MTA3: variants seen among roughly 807,000 people sequenced by gnomAD.
MTA3 encodes metastasis associated 1 family member 3, also known as metastasis-associated protein MTA3.
A neutral mutation model predicts 83.5 loss-of-function variants in MTA3; 34 were observed. The observed-to-expected ratio is 0.41, with a 90% CI of 0.31 to 0.54. MTA3 has a LOEUF of 0.54. Ranked by LOEUF, MTA3 falls within the 20% of genes least tolerant of loss-of-function variation. The pLI is 0.33. For synonymous variants in MTA3, 303 were observed against 252.7 expected, an observed-to-expected ratio of 1.20 and a Z score of -1.89; for missense variants, 761 against 726.4, an observed-to-expected ratio of 1.05 and a Z score of -0.55.
At chr2:42,512,012 A>G (rs574323463) in intron 2 of MTA3, among the ~76,000 whole-genome samples, 6 of 152,038 alleles carry the variant, frequency 3.9e-5, no homozygotes, top group Admixed American at 1.3e-4. Context: ...GCGAGACTCC[A>G]TCTCAAAAAA....
At chr2:42,505,766 G>T (rs1674601050) in intron 2 of MTA3, among the ~76,000 whole-genome samples, 1 of 129,232 alleles carries the variant, frequency 7.7e-6, no homozygotes, top group Non-Finnish European at 1.6e-5. Flanking sequence ...GCCACAAATT[G>T]ATAATTTTTT....
intron 16 of MTA3, among the ~76,000 whole-genome samples, chr2:42,725,661 TGCCGGTGCA>T (rs1353947120): frequency 6.6e-6 from 1 of 152,222 alleles, no homozygotes; most frequent in Non-Finnish European, 1.5e-5. Flanking sequence ...GGCACTGCCC[TGCCGGTGCA>T]GGCACCTCTC....
intron 2 of MTA3, among the ~76,000 whole-genome samples, chr2:42,503,248 T>C (rs995756406): frequency 3.9e-5 from 6 of 152,324 alleles, no homozygotes; most frequent in African/African-American, 1.4e-4. Context: ...CCATATAGGG[T>C]AACTTTCTGA....
chr2:42,635,257 A>T (rs1380670531), intron 4 of MTA3, among the ~76,000 whole-genome samples: 5 of 152,172 alleles, frequency 3.3e-5, no homozygotes, highest in Admixed American at 3.3e-4. Flanking sequence ...AATGCTGTCA[A>T]AACTGTCTAC....
intron 9 of MTA3, among the ~76,000 whole-genome samples, chr2:42,685,897 A>G (rs1692326248): frequency 6.6e-6 from 1 of 152,202 alleles, no homozygotes; most frequent in African/African-American, 2.4e-5. Context: ...TAGAAAATAA[A>G]ATGCAAATAA....
At chr2:42,594,839 G>C (rs1300257436) in intron 3 of MTA3, among the ~76,000 whole-genome samples, 1 of 142,370 alleles carries the variant, frequency 7.0e-6, no homozygotes, top group East Asian at 2.1e-4. Flanking sequence ...CCATTCTCCC[G>C]CCTCAGCCTC....
intron 2 of MTA3, among the ~76,000 whole-genome samples, chr2:42,563,491 G>A (rs759622168): frequency 1.3e-4 from 19 of 151,986 alleles, no homozygotes; most frequent in East Asian, 1.9e-4. Context: ...TTTTTGAGAC[G>A]AAGTCTCACT....
chr2:42,632,693 A>G (rs1409424435), intron 4 of MTA3, among the ~76,000 whole-genome samples: 1 of 152,158 alleles, frequency 6.6e-6, no homozygotes, highest in Non-Finnish European at 1.5e-5. Context: ...CATGGATGGA[A>G]TGGGCATCTC....
intron 2 of MTA3, among the ~76,000 whole-genome samples, chr2:42,509,167 C>G (rs1264835249): frequency 2.6e-5 from 4 of 151,952 alleles, no homozygotes; most frequent in Admixed American, 1.3e-4. Context: ...CTCAGCCTCC[C>G]AAGTAGCTGG....
rs1247897159 is a variant in MTA3 at position 42,553,628 on chromosome 2, G to A, written c.-140-16809G>A. Among the ~76,000 whole-genome samples, 5 of 146,496 alleles carry A rather than the reference G, an allele frequency of 3.4e-5. No homozygotes were observed. The East Asian group carries it at 6.2e-4, about 18-fold the overall frequency. On this transcript the variant is annotated intron_variant, in intron 2 of 17. Coordinates refer to the MTA3 transcript ENST00000405592. ...CGCATGCCTGTAATCCCAGCTACTCGAGAGGCTGAGGCAGGAGAATGGCTT... is the reference window on the plus strand; with the variant it reads ...CGCATGCCTGTAATCCCAGCTACTCAAGAGGCTGAGGCAGGAGAATGGCTT...
At chr2:42,610,523 A>T (rs1684061920) in intron 4 of MTA3, among the ~76,000 whole-genome samples, 1 of 152,316 alleles carries the variant, frequency 6.6e-6, no homozygotes, top group African/African-American at 2.4e-5. Context: ...CAAAAAGTGA[A>T]AAAACCTAGC....
chr2:42,724,509 T>C (rs531637014), intron 16 of MTA3, among the ~76,000 whole-genome samples: 2 of 151,772 alleles, frequency 1.3e-5, no homozygotes, highest in Non-Finnish European at 2.9e-5. Flanking sequence ...AATTATCTAG[T>C]GGCGCATGTC....
chr2:42,663,829 CT>C (rs1689963884), intron 8 of MTA3, among the ~76,000 whole-genome samples: 1 of 152,184 alleles, frequency 6.6e-6, no homozygotes. Context: ...CCTTCACACC[CT>C]TCAGTGTTTT....
At chr2:42,726,190 G>A (rs1291904259) in intron 16 of MTA3, among the ~76,000 whole-genome samples, 1 of 152,136 alleles carries the variant, frequency 6.6e-6, no homozygotes, top group Non-Finnish European at 1.5e-5. Context: ...AGACAGATGA[G>A]CATACCAAAC....
chr2:42,661,565 T>C (rs910907670), intron 8 of MTA3, among the ~76,000 whole-genome samples: 1 of 143,904 alleles, frequency 6.9e-6, no homozygotes, highest in Non-Finnish European at 1.5e-5. Flanking sequence ...CTATGTGGAA[T>C]CTAATAACTA....
intron 2 of MTA3, among the ~76,000 whole-genome samples, chr2:42,560,304 C>T (rs921291872): frequency 2.0e-5 from 3 of 151,640 alleles, no homozygotes; most frequent in Non-Finnish European, 4.4e-5. Context: ...GCACTGTGCC[C>T]GGCTGATTTT....
intron 14 of MTA3, among the ~76,000 whole-genome samples, chr2:42,715,628 A>G (rs756150743): frequency 1.3e-5 from 2 of 152,096 alleles, no homozygotes; most frequent in Non-Finnish European, 2.9e-5. Context: ...CTGTAATGCA[A>G]ATTGTCACTT....
chr2:42,732,355 G>A (rs1016632982), intron 16 of MTA3, among the ~76,000 whole-genome samples: 1 of 152,190 alleles, frequency 6.6e-6, no homozygotes, highest in Non-Finnish European at 1.5e-5. Context: ...CCAAGGCTTG[G>A]GGTTTCCACA....
intron 2 of MTA3, among the ~76,000 whole-genome samples, chr2:42,503,286 T>C (rs1674482365): frequency 6.6e-6 from 1 of 152,206 alleles, no homozygotes; most frequent in African/African-American, 2.4e-5. Context: ...CAAACTGTCA[T>C]TGTGCTGGTG....
Sources: gnomAD v4.1 joint callset for allele counts (sites outside exome capture counted in the v4.1 genomes callset) on GRCh38, gnomAD v4.1.1 for gene constraint, MANE v1.5 for transcripts, NCBI Gene and HGNC (gene_info 2026-07-23, HGNC 2026-07-21) for gene names.